Variants in GALNTL6 observed in about 807,000 individuals in gnomAD.
GALNTL6 encodes polypeptide N-acetylgalactosaminyltransferase-like 6.
Under a neutral mutation model 73.7 loss-of-function variants are expected in GALNTL6, and 46 were observed. That is an observed-to-expected ratio of 0.62 (90% CI 0.49 to 0.80). The LOEUF (loss-of-function observed/expected upper bound fraction) is 0.80, where lower values mean the gene tolerates loss of function less well. Ranked by LOEUF, GALNTL6 falls within the 30% of genes least tolerant of loss-of-function variation. The pLI, the probability that GALNTL6 is intolerant of heterozygous loss-of-function variation, is 0.00. For synonymous variants in GALNTL6, 259 were observed against 263.7 expected, an observed-to-expected ratio of 0.98 and a Z score of 0.17; for missense variants, 604 against 755.0, an observed-to-expected ratio of 0.80 and a Z score of 2.34.
chr4:172,010,186 CAGTCAG>C (rs759618149), intron 2 of GALNTL6, among the ~76,000 whole-genome samples: 1 of 152,018 alleles, frequency 6.6e-6, no homozygotes, highest in Non-Finnish European at 1.5e-5. Context: ...ATTACAAAAG[CAGTCAG>C]ATATTTTATA....
At chr4:172,607,783 C>T (rs1259937987) in intron 5 of GALNTL6, among the ~76,000 whole-genome samples, 1 of 152,052 alleles carries the variant, frequency 6.6e-6, no homozygotes. Context: ...TTAAAAATAG[C>T]CATTCTAACT....
In GALNTL6 at chr4:172,539,908, A is replaced by ATAT. The variant is rs1561128725; in HGVS notation, c.553+191219_553+191220insTAT. ...ATATATATATATATATATATATATA[A>ATAT]AAAATCTCATTTAATTTTCATGATG... On this transcript the variant is annotated intron_variant, in intron 5 of 12. Coordinates refer to ENST00000506823, the MANE Select transcript of GALNTL6 (RefSeq NM_001034845.3). Among the ~76,000 whole-genome samples the ATAT allele has an allele frequency of 9.4e-4, 94 of 99,662 alleles. 1 individual carries two copies. Among genetic ancestry groups the ATAT allele is most frequent in the South Asian group, 3.1e-3 (11 of 3,570 alleles). 65.4% of individuals were successfully genotyped at this position (99,662 alleles called of 152,430 possible).
intron 2 of GALNTL6, among the ~76,000 whole-genome samples, chr4:172,142,831 CA>C (rs1733835824): frequency 2.0e-5 from 3 of 151,762 alleles, no homozygotes; most frequent in Non-Finnish European, 2.9e-5. Flanking sequence ...AATGGTTAAC[CA>C]GGGGGAGTGG....
Position 172,206,805 on chromosome 4 carries a change from G to GTTTGTTTTTTTTTT in GALNTL6, c.139-22848_139-22847insGTTTTTTTTTTTTT, listed in dbSNP as rs1554003003. On this transcript the variant is annotated intron_variant, in intron 2 of 12. Coordinates refer to ENST00000506823, the MANE Select transcript of GALNTL6 (RefSeq NM_001034845.3). ...TTGTTTTGTTTTGTTTTGTTTTTCT[G>GTTTGTTTTTTTTTT]TTTTTTTTGTTTGTTTTTTTTTTTT... Among the ~76,000 whole-genome samples, 71 of 26,170 alleles carry GTTTGTTTTTTTTTT rather than the reference G, an allele frequency of 2.7e-3. 6 individuals are homozygous for GTTTGTTTTTTTTTT. The highest frequency in any genetic ancestry group is 9.2e-3 in the South Asian group (3 of 326). 17.2% of individuals were successfully genotyped at this position (26,170 alleles called of 152,430 possible). A position where few individuals can be genotyped will look rare whatever the true frequency, so the allele number is the denominator to read the frequency against.
At chr4:172,949,919 A>AT (rs1749361008) in intron 9 of GALNTL6, among the ~76,000 whole-genome samples, 9 of 151,980 alleles carry the variant, frequency 5.9e-5, no homozygotes, top group Admixed American at 5.9e-4. Context: ...AAAAAAAAAA[A>AT]AGAAAAAAAG....
rs539469937 is a variant in GALNTL6, at chr4:172,633,628, CT to C, written c.554-175730del. Among the ~76,000 whole-genome samples, 128 of 152,244 alleles carry C rather than the reference CT, an allele frequency of 8.4e-4. 1 individual carries two copies. The highest frequency in any genetic ancestry group is 3.0e-3 in the African/African-American group (123 of 41,540). ...GAGTTGATGCTGAAATGAGTTAAGA[CT>C]TTGGGGATCTATTGGGAAGGCATGA... is the stretch of plus-strand genomic sequence containing the variant. On this transcript the variant is annotated intron_variant, in intron 5 of 12. Coordinates refer to ENST00000506823, the MANE Select transcript of GALNTL6 (RefSeq NM_001034845.3).
At chr4:171,847,714 C>T (rs1438124722) in intron 2 of GALNTL6, among the ~76,000 whole-genome samples, 1 of 152,170 alleles carries the variant, frequency 6.6e-6, no homozygotes, top group African/African-American at 2.4e-5. Flanking sequence ...GAAACACTCT[C>T]TCTCTGCTCA....
intron 5 of GALNTL6, chr4:172,380,011 TTGA>T: frequency 2.2e-6 from 2 of 924,570 alleles, no homozygotes; most frequent in East Asian, 4.9e-5. Flanking sequence ...TGATGCATAC[TTGA>T]TGATCGGATC....
At chr4:173,026,516 C>T (rs988084426) in intron 12 of GALNTL6, among the ~76,000 whole-genome samples, 4 of 152,244 alleles carry the variant, frequency 2.6e-5, no homozygotes, top group Non-Finnish European at 4.4e-5. Flanking sequence ...ATGGAAAGGC[C>T]TGAAGGGCCA....
At chr4:172,272,783 C>G (rs2111061430) in intron 3 of GALNTL6, among the ~76,000 whole-genome samples, 1 of 152,058 alleles carries the variant, frequency 6.6e-6, no homozygotes, top group Admixed American at 6.6e-5. Flanking sequence ...AGAGAAAAAC[C>G]AATATATGTA....
At chr4:172,806,410 C>T (rs563321136) in intron 5 of GALNTL6, among the ~76,000 whole-genome samples, 2 of 152,214 alleles carry the variant, frequency 1.3e-5, no homozygotes, top group South Asian at 2.1e-4. Flanking sequence ...AAATAAAAAA[C>T]ATGTAGAGAC....
At chr4:172,313,852 A>G (rs1740451650) in intron 4 of GALNTL6, among the ~76,000 whole-genome samples, 1 of 151,446 alleles carries the variant, frequency 6.6e-6, no homozygotes. Flanking sequence ...TGAGATGGAT[A>G]AAAAGAAAGT....
At position 172,487,403 on chromosome 4, in the gene GALNTL6, T is replaced by C. The variant is rs191616784; in HGVS notation, c.553+138714T>C. On this transcript the variant is annotated intron_variant, in intron 5 of 12. Transcript: ENST00000506823. ...TTCTTTTCTTTTCTTTTCTTTCTTT[T>C]TCTTTCTTGTCTCACTCTGTCGCCC... Among the ~76,000 whole-genome samples, 21 of 151,262 alleles carry C rather than the reference T, an allele frequency of 1.4e-4. No individual in the cohort carries two copies. The East Asian group carries it at 3.7e-3, about 27-fold the overall frequency.
chr4:172,788,370 T>TA (rs1285935190), intron 5 of GALNTL6, among the ~76,000 whole-genome samples: 1 of 151,830 alleles, frequency 6.6e-6, no homozygotes, highest in African/African-American at 2.4e-5. Flanking sequence ...ACCCTATCTC[T>TA]AAAAAATAGA....
At chr4:172,768,331 G>T (rs889417832) in intron 5 of GALNTL6, among the ~76,000 whole-genome samples, 2 of 152,158 alleles carry the variant, frequency 1.3e-5, no homozygotes, top group Non-Finnish European at 2.9e-5. Flanking sequence ...AGTAGGTAAA[G>T]TACAAATCAA....
At chr4:171,974,373 G>A (rs1422475888) in intron 2 of GALNTL6, among the ~76,000 whole-genome samples, 1 of 152,082 alleles carries the variant, frequency 6.6e-6, no homozygotes, top group African/African-American at 2.4e-5. Context: ...TTTATTACAT[G>A]CACTTCATTT....
At chr4:172,073,693 C>T (rs1207911791) in intron 2 of GALNTL6, among the ~76,000 whole-genome samples, 2 of 152,200 alleles carry the variant, frequency 1.3e-5, no homozygotes, top group African/African-American at 4.8e-5. Flanking sequence ...GGAACTAAAA[C>T]TTAAGTACAG....
At chr4:172,615,968 A>G (rs1314420842) in intron 5 of GALNTL6, among the ~76,000 whole-genome samples, 1 of 152,196 alleles carries the variant, frequency 6.6e-6, no homozygotes, top group Non-Finnish European at 1.5e-5. Flanking sequence ...TGAAGTATTA[A>G]AATGTTGTGA....
chr4:172,771,541 G>A (rs537135371), intron 5 of GALNTL6, among the ~76,000 whole-genome samples: 20 of 152,266 alleles, frequency 1.3e-4, no homozygotes, highest in African/African-American at 4.8e-4. Flanking sequence ...TGACTTGTAT[G>A]GAAGACTTTG....
Sources: gnomAD v4.1 joint callset for allele counts (sites outside exome capture counted in the v4.1 genomes callset) on GRCh38, gnomAD v4.1.1 for gene constraint, MANE v1.5 for transcripts, NCBI Gene and HGNC (gene_info 2026-07-23, HGNC 2026-07-21) for gene names.